Variants in TMEM120B observed in about 807,000 individuals in gnomAD.
The protein encoded by TMEM120B is transmembrane protein 120B.
In TMEM120B, 31 loss-of-function variants were observed where a neutral mutation model predicts 55.5. That is an observed-to-expected ratio of 0.56 (90% CI 0.42 to 0.75). TMEM120B has a LOEUF of 0.75. Ranked by LOEUF, TMEM120B falls within the 30% of genes least tolerant of loss-of-function variation. TMEM120B has a pLI of 0.00. For missense variants in TMEM120B, 399 were observed against 425.5 expected, an observed-to-expected ratio of 0.94 and a Z score of 0.55; for synonymous variants, 203 against 176.3, an observed-to-expected ratio of 1.15 and a Z score of -1.20.
intron 5 of TMEM120B, among the ~76,000 whole-genome samples, chr12:121,759,690 C>T (rs1286606836): frequency 4.6e-5 from 7 of 151,038 alleles, no homozygotes; most frequent in South Asian, 4.2e-4. Context: ...ACAAACAAAA[C>T]GCTTTAGAGC....
In TMEM120B at chr12:121,766,502, C is replaced by T. The variant is rs548011666; in HGVS notation, c.552-4405C>T. On this transcript the variant is annotated intron_variant, in intron 6 of 11. Coordinates refer to ENST00000449592, the MANE Select transcript of TMEM120B (RefSeq NM_001080825.2). ...AGCGGCCCCCAGGCAGGCCTCCCAC[C>T]AGCAGTAACCCCTGGGCTGACAGAC... Among the ~76,000 whole-genome samples, 123 of 152,290 alleles carry T rather than the reference C, an allele frequency of 8.1e-4. 1 individual carries two copies. The highest frequency in any genetic ancestry group is 6.8e-3 in the Middle Eastern group (2 of 294).
chr12:121,738,014 A>C (rs972555443), intron 1 of TMEM120B, among the ~76,000 whole-genome samples: 99 of 148,136 alleles, frequency 6.7e-4, no homozygotes, highest in African/African-American at 2.2e-3. Flanking sequence ...TGTCTCCACA[A>C]AAAAAAAAAA....
chr12:121,764,036 G>A (rs1873767125), intron 6 of TMEM120B, among the ~76,000 whole-genome samples: 2 of 151,990 alleles, frequency 1.3e-5, no homozygotes, highest in African/African-American at 4.8e-5. Context: ...AAACATCAGT[G>A]TGTAGGCCAG....
intron 1 of TMEM120B, among the ~76,000 whole-genome samples, chr12:121,722,002 C>T (rs1187979693): frequency 6.6e-6 from 1 of 150,602 alleles, no homozygotes; most frequent in Non-Finnish European, 1.5e-5. Flanking sequence ...AGAGTTTCAC[C>T]ATGTTGGCCA....
chr12:121,740,215 T>C (rs1872893585), intron 1 of TMEM120B, among the ~76,000 whole-genome samples: 1 of 152,134 alleles, frequency 6.6e-6, no homozygotes, highest in Non-Finnish European at 1.5e-5. Context: ...CCTGGCACGG[T>C]GGCTCATGCT....
intron 2 of TMEM120B, among the ~76,000 whole-genome samples, chr12:121,744,892 T>C (rs1873036652): frequency 6.6e-6 from 1 of 152,208 alleles, no homozygotes; most frequent in South Asian, 2.1e-4. Context: ...GATGGCCCTG[T>C]GCAAACACGT....
intron 1 of TMEM120B, among the ~76,000 whole-genome samples, chr12:121,722,325 C>T (rs1894809424): frequency 6.6e-6 from 1 of 152,082 alleles, no homozygotes; most frequent in Admixed American, 6.6e-5. Context: ...TGTCGAACTC[C>T]TGACCTTGTG....
intron 1 of TMEM120B, among the ~76,000 whole-genome samples, chr12:121,739,378 C>T (rs547439416): frequency 6.6e-6 from 1 of 152,154 alleles, no homozygotes; most frequent in African/African-American, 2.4e-5. Context: ...TATATGAGGC[C>T]ATAGCATTGT....
chr12:121,757,499 G>A (rs564119366), intron 5 of TMEM120B, among the ~76,000 whole-genome samples: 3 of 149,654 alleles, frequency 2.0e-5, no homozygotes, highest in South Asian at 2.2e-4. Context: ...TTACCACTGC[G>A]CCCGGCTAAT....
chr12:121,713,971 T>C (rs1376657513), intron 1 of TMEM120B, among the ~76,000 whole-genome samples: 1 of 152,162 alleles, frequency 6.6e-6, no homozygotes, highest in Non-Finnish European at 1.5e-5. Context: ...GTTGGCCTCC[T>C]ACAGTGTGCA....
At chr12:121,734,882 C>T (rs1207312861) in intron 1 of TMEM120B, among the ~76,000 whole-genome samples, 1 of 148,316 alleles carries the variant, frequency 6.7e-6, no homozygotes, top group Non-Finnish European at 1.5e-5. Context: ...CATTGCACTC[C>T]AGCCTGGGCG....
intron 1 of TMEM120B, among the ~76,000 whole-genome samples, chr12:121,737,751 T>G (rs751997389): frequency 6.6e-6 from 1 of 152,070 alleles, no homozygotes; most frequent in Admixed American, 6.6e-5. Context: ...GTCTCACATC[T>G]GTAACCCCAG....
chr12:121,773,760 T>G (rs1025172491), intron 9 of TMEM120B, among the ~76,000 whole-genome samples: 1 of 100,268 alleles, frequency 1.0e-5, no homozygotes, highest in Non-Finnish European at 2.0e-5. Context: ...TTGTGTGTGT[T>G]CTAGAATACA....
At chr12:121,763,387 C>T (rs1170303803) in intron 6 of TMEM120B, among the ~76,000 whole-genome samples, 10 of 152,004 alleles carry the variant, frequency 6.6e-5, no homozygotes, top group Admixed American at 6.6e-4. Context: ...TGGTCTCGAT[C>T]TCCTGACCTC....
intron 6 of TMEM120B, among the ~76,000 whole-genome samples, chr12:121,765,783 T>C (rs1310991064): frequency 6.6e-6 from 1 of 152,174 alleles, no homozygotes; most frequent in African/African-American, 2.4e-5. Flanking sequence ...TCCGCCCTCC[T>C]CCAGCTCCTC....
intron 6 of TMEM120B, 106 bp from the exon 7 acceptor site, chr12:121,770,801 T>C (rs1286014570): frequency 2.0e-6 from 2 of 1,025,096 alleles, no homozygotes; most frequent in Non-Finnish European, 3.0e-6. Context: ...CAAGAAGCCG[T>C]CTCTGAGTGC....
At chr12:121,733,969 G>A (rs1206912232) in intron 1 of TMEM120B, among the ~76,000 whole-genome samples, 4 of 152,176 alleles carry the variant, frequency 2.6e-5, no homozygotes, top group African/African-American at 9.6e-5. Flanking sequence ...TAGGGTATAA[G>A]CTACGCTGCT....
chr12:121,733,534 G>A lies in TMEM120B; in HGVS notation c.70-10095G>A, dbSNP rs528677217. 1.9e-4 allele frequency among the ~76,000 whole-genome samples: 28 copies of A among 144,092 alleles called. No individual in the cohort carries two copies. The South Asian group carries it at 5.8e-3, about 30-fold the overall frequency. 94.5% of individuals were successfully genotyped at this position (144,092 alleles called of 152,430 possible). A position where few individuals can be genotyped will look rare whatever the true frequency, so the allele number is the denominator to read the frequency against. On this transcript the variant is annotated intron_variant, in intron 1 of 11. Coordinates refer to ENST00000449592, the MANE Select transcript of TMEM120B (RefSeq NM_001080825.2). ...GCTGGGATTATAGGCGTGAGCCACC[G>A]TGCCTGGTATTTTTTTTTTTTTTGA... is the stretch of plus-strand genomic sequence containing the variant.
At chr12:121,738,443 A>G (rs1314237794) in intron 1 of TMEM120B, among the ~76,000 whole-genome samples, 3 of 152,174 alleles carry the variant, frequency 2.0e-5, no homozygotes, top group African/African-American at 7.2e-5. Flanking sequence ...AAAGGCCACC[A>G]GGAGGGGTGC....
Sources: allele counts gnomAD v4.1 joint callset (sites outside exome capture counted in the v4.1 genomes callset), GRCh38; gene constraint gnomAD v4.1.1; transcripts MANE v1.5; gene names NCBI Gene and HGNC (gene_info 2026-07-23, HGNC 2026-07-21).